PHACTR2: variants seen among roughly 807,000 people sequenced by gnomAD.
PHACTR2 encodes phosphatase and actin regulator 2, also known as chromosome 6 open reading frame 56.
PHACTR2 carries 30 observed loss-of-function variants against 76.0 expected under a neutral mutation model. The ratio of observed to expected loss-of-function variants is 0.39; its 90% CI spans 0.30 to 0.54. The LOEUF (loss-of-function observed/expected upper bound fraction) is 0.54. PHACTR2 is among the 20% of genes least tolerant of loss of function. The probability of loss-of-function intolerance (pLI) is 0.61; values close to 1 mark genes in which losing one functional copy is unlikely to be tolerated. For synonymous variants in PHACTR2, 292 were observed against 292.5 expected (o/e 1.00, Z 0.02); for missense variants, 696 against 781.1 (o/e 0.89, Z 1.30).
chr6:143,789,629 T>G lies in PHACTR2; in HGVS notation c.1845+719T>G, dbSNP rs1380924259. Among the ~76,000 whole-genome samples, 2 of 152,248 alleles carry G rather than the reference T, an allele frequency of 1.3e-5. No individual in the cohort carries two copies. The highest frequency in any genetic ancestry group is 2.9e-5 in the Non-Finnish European group (2 of 68,052). On this transcript the variant is annotated intron_variant, in intron 11 of 12. Transcript: ENST00000440869. This position sits in a 1 kb window ranked among gnomAD's most constrained non-coding sequence, Gnocchi z 5.1. The stretch of plus-strand genomic sequence containing the variant: ...TTTAAATTGTTCTAATTTTTATCTC[T>G]TAGCAAAATCTGGTATTGAATAAAC...
intron 1 of PHACTR2, among the ~76,000 whole-genome samples, chr6:143,593,230 G>C (rs1000917509): frequency 6.6e-6 from 1 of 152,228 alleles, no homozygotes; most frequent in East Asian, 1.9e-4. Flanking sequence ...CTCATAGGAA[G>C]TCCTGTGGGG....
rs751029312 is a variant in PHACTR2, at chr6:143,765,756, A to C, written c.1190A>C (p.Tyr397Ser). The change falls in exon 6 of 13, where the codon TAC (tyrosine) becomes TCC (serine). Residue 397 changes from tyrosine to serine, a missense_variant. By Grantham distance (144) the Tyr-to-Ser change is moderately radical. Coordinates refer to ENST00000440869, the MANE Select transcript of PHACTR2 (RefSeq NM_001100164.2). This position sits in a 1 kb window ranked among gnomAD's most constrained non-coding sequence, Gnocchi z 4.1. The stretch of plus-strand genomic sequence containing the variant: ...GAGCCGACGAACAGAACCACTCTCT[A>C]CTCAGGCACTGGCTTAAGTGTTAAC... ...AEEPTNRTTL[Y>S]SGTGLSVNRE... is the part of the protein sequence containing the mutation. 11 of 1,613,968 alleles carry C rather than the reference A, an allele frequency of 6.8e-6. No individual in the cohort carries two copies. The Middle Eastern group carries it at 9.9e-4, about 145-fold the overall frequency.
At position 143,697,103 on chromosome 6, in the gene PHACTR2, G is replaced by C. The variant is rs1108314; in HGVS notation, c.47-14913G>C. Among the ~76,000 whole-genome samples the C allele has an allele frequency of 0.19, 29,058 of 152,098 alleles. 2,937 individuals carry two copies. The highest frequency in any genetic ancestry group is 0.35 in the East Asian group (1,783 of 5,166). On this transcript the variant is annotated intron_variant, in intron 1 of 12. Transcript: ENST00000440869. This position sits in a 1 kb window ranked among gnomAD's most constrained non-coding sequence, Gnocchi z 4.4. ...AATATTGCCACATAACTGAACATCT[G>C]TCATAATGCTATATTATCAAAGAAT...
rs145918285 is a variant in PHACTR2, at chr6:143,761,445, A to G, written c.694+805A>G. ...GAGGAAGAAAGATGCCTACCATGTC[A>G]TTTATCTTTTAAAAGGACATTAATC... On this transcript the variant is annotated intron_variant, in intron 5 of 12. Transcript: ENST00000440869. The surrounding 1 kb of genome is among the most constrained non-coding windows in gnomAD (Gnocchi z 5.2). Among the ~76,000 whole-genome samples, 74 of 152,238 alleles carry G rather than the reference A, an allele frequency of 4.9e-4. No individual in the cohort carries two copies. The highest frequency in any genetic ancestry group is 1.7e-3 in the African/African-American group (72 of 41,536).
intron 12 of PHACTR2, among the ~76,000 whole-genome samples, chr6:143,812,521 T>A (rs966809186): frequency 6.6e-6 from 1 of 152,166 alleles, no homozygotes; most frequent in Admixed American, 6.5e-5. Flanking sequence ...TGGTCTGTAG[T>A]GATGAAGAAC....
intron 1 of PHACTR2, among the ~76,000 whole-genome samples, chr6:143,694,687 T>C (rs1777730279): frequency 6.6e-6 from 1 of 152,220 alleles, no homozygotes; most frequent in African/African-American, 2.4e-5. Flanking sequence ...AGAAAGATGG[T>C]GTTTAAACAC....
rs1162364881 is a variant in PHACTR2 at position 143,784,100 on chromosome 6, A to T, written c.1707+820A>T. Among the ~76,000 whole-genome samples the T allele has an allele frequency of 6.6e-6, 1 of 152,230 alleles. No individual in the cohort carries two copies. The highest frequency in any genetic ancestry group is 1.5e-5 in the Non-Finnish European group (1 of 68,042). ...ATTATGATAAAAATTATTTCTTAAA[A>T]TGCTCACACTTTCCATTTAGTGTTG... On this transcript the variant is annotated intron_variant, in intron 10 of 12. Transcript: ENST00000440869. The surrounding 1 kb of genome is among the most constrained non-coding windows in gnomAD (Gnocchi z 4.5).
At chr6:143,814,397 G>A (rs746771247) in intron 12 of PHACTR2, among the ~76,000 whole-genome samples, 5 of 152,024 alleles carry the variant, frequency 3.3e-5, no homozygotes, top group Admixed American at 6.6e-5. Context: ...TATTCATTAG[G>A]TGGAATTGGA....
At chr6:143,568,245 C>T (rs1217478459) in intron 1 of PHACTR2, among the ~76,000 whole-genome samples, 1 of 152,174 alleles carries the variant, frequency 6.6e-6, no homozygotes, top group Non-Finnish European at 1.5e-5. Flanking sequence ...CCCCTGAGTT[C>T]CCTGAGTTTT....
rs112168912 is a variant in PHACTR2 at position 143,775,077 on chromosome 6, G to A, written c.1589+862G>A. Among the ~76,000 whole-genome samples, 4 of 152,296 alleles carry A rather than the reference G, an allele frequency of 2.6e-5. No homozygotes were observed. The highest frequency in any genetic ancestry group is 6.5e-5 in the Admixed American group (1 of 15,296). The stretch of plus-strand genomic sequence containing the variant: ...ATTTGGAGGTGGGGGGAAAATTGCT[G>A]TCCTTGCTTGGAAGTGGTATAACTG... On this transcript the variant is annotated intron_variant, in intron 8 of 12. Transcript: ENST00000440869. The surrounding 1 kb of genome is among the most constrained non-coding windows in gnomAD (Gnocchi z 4.4).
chr6:143,781,308 A>G (rs186554431), intron 9 of PHACTR2, among the ~76,000 whole-genome samples: 5 of 152,356 alleles, frequency 3.3e-5, no homozygotes, highest in Admixed American at 2.0e-4. Context: ...GTTACCTGGT[A>G]GCACTAGCTG....
At position 143,541,653 on chromosome 6, in the gene PHACTR2, C is replaced by T. The variant is rs1311889076; in HGVS notation, c.217+4446C>T. Among the ~76,000 whole-genome samples the T allele has an allele frequency of 6.6e-6, 1 of 152,174 alleles. No homozygotes were observed. Among genetic ancestry groups the T allele is most frequent in the Non-Finnish European group, 1.5e-5 (1 of 68,044 alleles). On this transcript the variant is annotated intron_variant, in intron 1 of 11. Coordinates refer to the PHACTR2 transcript ENST00000367584. The surrounding 1 kb of genome is among the most constrained non-coding windows in gnomAD (Gnocchi z 5.3). Reference sequence around the variant, plus strand: ...GTAACAGCAAATCCAGGATCTTTTTCTCAAATCTTTAATTCCTGGTGTGTT... The same window carrying T: ...GTAACAGCAAATCCAGGATCTTTTTTTCAAATCTTTAATTCCTGGTGTGTT...
At chr6:143,728,370 C>T (rs1582817420) in intron 2 of PHACTR2, among the ~76,000 whole-genome samples, 2 of 151,952 alleles carry the variant, frequency 1.3e-5, no homozygotes, top group East Asian at 3.9e-4. Context: ...CACCACCACA[C>T]CTGGCTAGTT....
chr6:143,771,202 A>ATGTGTG (rs1562300866), intron 6 of PHACTR2, among the ~76,000 whole-genome samples: 34 of 72,116 alleles, frequency 4.7e-4, no homozygotes, highest in African/African-American at 4.8e-4. Context: ...GTGTATATAT[A>ATGTGTG]TATATATATA....
rs1775218640 is a variant in PHACTR2, at chr6:143,774,085, AG to A, written c.1462del (p.Asp488IlefsTer16). ...TGCTTTGGCAAGTAAAATACGCCGG[AG>A]GGATACTCTTGCTATCAAACTTGGC... ...ESALASKIRR[R>X]DTLAIKLGNR... On this transcript the variant is annotated frameshift_variant, in exon 8 of 13. Coordinates refer to ENST00000440869, the MANE Select transcript of PHACTR2 (RefSeq NM_001100164.2). LOFTEE classifies it high-confidence loss of function. This position sits in a 1 kb window ranked among gnomAD's most constrained non-coding sequence, Gnocchi z 5.4. The A allele has an allele frequency of 6.2e-7, 1 of 1,613,724 alleles. No homozygotes were observed. Among genetic ancestry groups the A allele is most frequent in the Non-Finnish European group, 8.5e-7 (1 of 1,179,844 alleles).
Position 143,811,184 on chromosome 6 carries a change from G to T in PHACTR2, c.1922+4051G>T, listed in dbSNP as rs886764027. Among the ~76,000 whole-genome samples, 1 of 152,126 alleles carries T rather than the reference G, an allele frequency of 6.6e-6. No homozygotes were observed. The highest frequency in any genetic ancestry group is 1.5e-5 in the Non-Finnish European group (1 of 68,010). ...TTTACTTTTTTCTAAATCAGTAGTT[G>T]ATTCTCTCAATGCCACTTTTTTCCC... is the stretch of plus-strand genomic sequence containing the variant. On this transcript the variant is annotated intron_variant, in intron 12 of 12. Transcript: ENST00000440869. This position sits in a 1 kb window ranked among gnomAD's most constrained non-coding sequence, Gnocchi z 4.1.
upstream of PHACTR2, among the ~76,000 whole-genome samples, chr6:143,605,918 T>C (rs1332182009): frequency 6.6e-6 from 1 of 152,216 alleles, no homozygotes; most frequent in African/African-American, 2.4e-5. The surrounding 1 kb of genome is among the most constrained non-coding windows in gnomAD (Gnocchi z 5.0). Context: ...CAATGTGGGA[T>C]GATTAAATCC....
intron 11 of PHACTR2, among the ~76,000 whole-genome samples, chr6:143,805,077 T>C (rs2128483280): frequency 6.6e-6 from 1 of 152,288 alleles, no homozygotes; most frequent in African/African-American, 2.4e-5. Flanking sequence ...ATCCCTGCCT[T>C]CTGACTCCCA....
At chr6:143,706,744 A>G (rs781250987) in intron 1 of PHACTR2, among the ~76,000 whole-genome samples, 3 of 152,250 alleles carry the variant, frequency 2.0e-5, no homozygotes, top group Non-Finnish European at 4.4e-5. Context: ...AACTCTGATT[A>G]GCAAGAGAGT....
Sources: allele counts gnomAD v4.1 joint callset (sites outside exome capture counted in the v4.1 genomes callset), GRCh38; gene constraint gnomAD v4.1.1; non-coding constraint Gnocchi (gnomAD v3.1); transcripts MANE v1.5; gene names NCBI Gene and HGNC (gene_info 2026-07-23, HGNC 2026-07-21).